The following IKZF2 variants were observed in gnomAD, a reference collection of about 807,000 sequenced individuals.
IKZF2 encodes the protein IKAROS family zinc finger 2.
In IKZF2, 15 loss-of-function variants were observed where a neutral mutation model predicts 49.2. That is an observed-to-expected ratio of 0.30 (90% CI 0.20 to 0.47). IKZF2 has a LOEUF of 0.47. IKZF2 is among the 20% of genes least tolerant of loss of function. The pLI is 1.00. For synonymous variants in IKZF2, 227 were observed against 221.4 expected, an observed-to-expected ratio of 1.03 and a Z score of -0.23; for missense variants, 567 against 664.6, an observed-to-expected ratio of 0.85 and a Z score of 1.61.
chr2:213,099,470 C>T (rs2125694009), intron 4 of IKZF2, among the ~76,000 whole-genome samples: 1 of 152,206 alleles, frequency 6.6e-6, no homozygotes, highest in East Asian at 1.9e-4. Context: ...TAGTAACAGA[C>T]TCTGAGATCA....
intron 4 of IKZF2, among the ~76,000 whole-genome samples, chr2:213,127,225 T>C (rs1477507291): frequency 6.6e-6 from 1 of 152,238 alleles, no homozygotes; most frequent in African/African-American, 2.4e-5. Context: ...CAGTTACACT[T>C]ATCAAAGACC....
intron 4 of IKZF2, among the ~76,000 whole-genome samples, chr2:213,072,261 C>CA (rs1197635194): frequency 6.9e-6 from 1 of 145,926 alleles, no homozygotes; most frequent in Admixed American, 6.8e-5. Context: ...ACTAATTGGT[C>CA]AAAAAAAAGA....
At chr2:213,013,342 TATAA>T (rs1696185351) in intron 8 of IKZF2, among the ~76,000 whole-genome samples, 1 of 151,698 alleles carries the variant, frequency 6.6e-6, no homozygotes, top group African/African-American at 2.4e-5. Flanking sequence ...AGCAGTAGGA[TATAA>T]ATAACTCCCA....
At chr2:213,083,755 C>G (rs1704251235) in intron 4 of IKZF2, among the ~76,000 whole-genome samples, 1 of 150,548 alleles carries the variant, frequency 6.6e-6, no homozygotes, top group African/African-American at 2.5e-5. Context: ...AGCTTGTGTG[C>G]TCCTTATGAG....
chr2:213,124,251 CGCACACACA>C (rs2125852898), intron 4 of IKZF2, among the ~76,000 whole-genome samples: 1 of 97,312 alleles, frequency 1.0e-5, no homozygotes, highest in South Asian at 3.6e-4. Flanking sequence ...CGCGCGCGCG[CGCACACACA>C]CACACACACA....
At position 213,006,672 on chromosome 2, in the gene IKZF2, C is replaced by T. The variant is rs1016571906; in HGVS notation, c.*688G>A. 1.3e-5 allele frequency: 2 copies of T among 152,366 alleles called. No individual in the cohort carries two copies. Among genetic ancestry groups the T allele is most frequent in the Non-Finnish European group, 2.9e-5 (2 of 67,986 alleles). 9.4% of individuals were successfully genotyped at this position (152,366 alleles called of 1,614,324 possible). On this transcript the variant is annotated 3_prime_UTR_variant, in exon 9 of 9. Coordinates refer to ENST00000434687, the MANE Select transcript of IKZF2 (RefSeq NM_001387220.1). ...TCATCAAAACTATGGAAAAACAGTG[C>T]TTACGTTTAGAAAAATAAGATCACA...
Position 213,076,089 on chromosome 2 carries a change from C to T in IKZF2, c.140-18990G>A, listed in dbSNP as rs573408016. Among the ~76,000 whole-genome samples, 151 of 151,596 alleles carry T rather than the reference C, an allele frequency of 1.0e-3. 1 individual carries two copies. Among genetic ancestry groups the T allele is most frequent in the African/African-American group, 3.5e-3 (146 of 41,164 alleles). On this transcript the variant is annotated intron_variant, in intron 4 of 8. Coordinates refer to ENST00000434687, the MANE Select transcript of IKZF2 (RefSeq NM_001387220.1). ...AAAAAAACAAATAATGTTTTCCCAA[C>T]GCTTTCCTACACATCATGTAAACTA...
rs545357008 is a variant in IKZF2, at chr2:213,011,891, G to A, written c.856+1900C>T. 4.6e-5 allele frequency among the ~76,000 whole-genome samples: 7 copies of A among 152,134 alleles called. No homozygotes were observed. In the South Asian group the frequency reaches 1.5e-3, roughly 32 times the overall value. On this transcript the variant is annotated intron_variant, in intron 8 of 8. Coordinates refer to ENST00000434687, the MANE Select transcript of IKZF2 (RefSeq NM_001387220.1). The stretch of plus-strand genomic sequence containing the variant: ...GACAGTAGGGTTTCATCAGGAGAAG[G>A]GGATGATAGATCAGCCAACAAGGCA...
chr2:213,120,560 C>T (rs557336310), intron 4 of IKZF2, among the ~76,000 whole-genome samples: 1 of 152,172 alleles, frequency 6.6e-6, no homozygotes, highest in South Asian at 2.1e-4. Flanking sequence ...GTATAAAATG[C>T]TAAAGAGCTT....
intron 4 of IKZF2, among the ~76,000 whole-genome samples, chr2:213,146,763 G>GGGT (rs2061084249): frequency 7.5e-6 from 1 of 133,280 alleles, no homozygotes; most frequent in African/African-American, 2.7e-5. Context: ...AATCTTCGGG[G>GGGT]GGGGGGAAGG....
In IKZF2 at chr2:213,150,193, T is replaced by C; in HGVS notation, c.-65A>G. On this transcript the variant is annotated 5_prime_UTR_variant, in exon 2 of 9. Coordinates refer to ENST00000434687, the MANE Select transcript of IKZF2 (RefSeq NM_001387220.1). Reference sequence around the variant, plus strand: ...AAAGATTCATCACCATTTCCAGCTCTGTCGGGAGATCTCAGCTTCTTCTAA... The same window carrying C: ...AAAGATTCATCACCATTTCCAGCTCCGTCGGGAGATCTCAGCTTCTTCTAA... 4 of 1,303,396 alleles carry C rather than the reference T, an allele frequency of 3.1e-6. No homozygotes were observed. Among genetic ancestry groups the C allele is most frequent in the South Asian group, 1.2e-5 (1 of 80,974 alleles). The allele number at this position is 1,303,396 out of a possible 1,614,324, so 80.7% of individuals were successfully genotyped here. A position where few individuals can be genotyped will look rare whatever the true frequency, so the allele number is the denominator to read the frequency against.
At position 213,147,691 on chromosome 2, in the gene IKZF2, A is replaced by G; in HGVS notation, c.139+17T>C. The G allele has an allele frequency of 1.3e-6, 2 of 1,599,760 alleles. No individual in the cohort carries two copies. The highest frequency in any genetic ancestry group is 1.7e-6 in the Non-Finnish European group (2 of 1,166,746). On this transcript the variant is annotated intron_variant, in intron 4 of 8. Coordinates refer to ENST00000434687, the MANE Select transcript of IKZF2 (RefSeq NM_001387220.1). ...AGACACACACACACAAAAAAAAATCATAAAATGAAGACTTACTGCTTGTCA... is the reference window on the plus strand; with the variant it reads ...AGACACACACACACAAAAAAAAATCGTAAAATGAAGACTTACTGCTTGTCA...
intron 4 of IKZF2, among the ~76,000 whole-genome samples, chr2:213,099,744 C>G (rs1159661578): frequency 6.6e-6 from 1 of 152,084 alleles, no homozygotes; most frequent in Non-Finnish European, 1.5e-5. Context: ...TTAGTTAGCT[C>G]AGTGACCATC....
intron 1 of IKZF2, among the ~76,000 whole-genome samples, chr2:213,150,702 A>AG (rs368805396): frequency 0.25 from 9,927 of 39,506 alleles, 1,091 homozygotes; most frequent in African/African-American, 0.4. Context: ...CTGAAAGAAA[A>AG]GGGGGGGGGG....
At chr2:213,122,300 C>G (rs577941412) in intron 4 of IKZF2, among the ~76,000 whole-genome samples, 25 of 152,298 alleles carry the variant, frequency 1.6e-4, no homozygotes, top group African/African-American at 5.5e-4. Flanking sequence ...ATCTTAGCTC[C>G]TTGGAGCAAC....
chr2:213,049,564 C>A, intron 6 of IKZF2, 149 bp downstream of exon 6: 1 of 518,332 alleles, frequency 1.9e-6, no homozygotes, highest in Non-Finnish European at 3.0e-6. Context: ...ATGCATCCTG[C>A]AAGATTTATC....
intron 4 of IKZF2, among the ~76,000 whole-genome samples, chr2:213,122,681 CTTAA>C (rs2060098953): frequency 1.3e-5 from 2 of 152,320 alleles, no homozygotes; most frequent in Non-Finnish European, 2.9e-5. Context: ...TAACATAGCT[CTTAA>C]ATTTATATCC....
chr2:213,042,188 A>AC, intron 6 of IKZF2, among the ~76,000 whole-genome samples: 1 of 150,050 alleles, frequency 6.7e-6, no homozygotes, highest in East Asian at 2.0e-4. Context: ...AGCTTTATAG[A>AC]ATAAACATAC....
chr2:213,091,021 G>C (rs943339711), intron 4 of IKZF2, among the ~76,000 whole-genome samples: 3 of 152,168 alleles, frequency 2.0e-5, no homozygotes, highest in African/African-American at 7.2e-5. Context: ...ATGCAGAAGT[G>C]ATTGGGACAC....
Sources: allele counts gnomAD v4.1 joint callset (sites outside exome capture counted in the v4.1 genomes callset), GRCh38; gene constraint gnomAD v4.1.1; transcripts MANE v1.5; gene names NCBI Gene and HGNC (gene_info 2026-07-23, HGNC 2026-07-21).